Variants in ALKAL1 observed in about 807,000 individuals in gnomAD.
ALKAL1 encodes the protein ALK and LTK ligand 1, also known as AUG-beta.
A neutral mutation model predicts 13.5 loss-of-function variants in ALKAL1; 23 were observed. That is an observed-to-expected ratio of 1.70 (90% CI 1.23 to 2.41). ALKAL1 has a LOEUF of 2.41. Ranked by LOEUF, ALKAL1 falls within the 30% of genes most tolerant of loss-of-function variation. The pLI, the probability that ALKAL1 is intolerant of heterozygous loss-of-function variation, is 0.00. For synonymous variants in ALKAL1, 85 were observed against 77.7 expected, an observed-to-expected ratio of 1.09 and a Z score of -0.49; for missense variants, 181 against 178.4, an observed-to-expected ratio of 1.01 and a Z score of -0.08.
chr8:52,540,915 G>A (rs947152676), intron 2 of ALKAL1, among the ~76,000 whole-genome samples: 3 of 152,064 alleles, frequency 2.0e-5, no homozygotes, highest in Admixed American at 6.6e-5. Flanking sequence ...CATCCTTTCC[G>A]TTAATAAACA....
At chr8:52,535,969 C>T (rs1590863785) in intron 4 of ALKAL1, among the ~76,000 whole-genome samples, 1 of 151,842 alleles carries the variant, frequency 6.6e-6, no homozygotes, top group Non-Finnish European at 1.5e-5. Context: ...GACGGAGTCT[C>T]GCTCTGTTGC....
intron 1 of ALKAL1, among the ~76,000 whole-genome samples, chr8:52,554,737 C>A (rs1847463501): frequency 6.6e-6 from 1 of 152,028 alleles, no homozygotes; most frequent in South Asian, 2.1e-4. Flanking sequence ...CACTTAAAGG[C>A]TGAAGAAGAG....
chr8:52,552,855 T>A (rs1847442882), intron 1 of ALKAL1, among the ~76,000 whole-genome samples: 1 of 152,240 alleles, frequency 6.6e-6, no homozygotes, highest in South Asian at 2.1e-4. Context: ...TAGGGATTTC[T>A]CCAATCAACC....
chr8:52,546,365 T>C (rs1007490320), intron 1 of ALKAL1, among the ~76,000 whole-genome samples: 3 of 152,226 alleles, frequency 2.0e-5, no homozygotes, highest in African/African-American at 7.2e-5. Context: ...TGGCTCACTG[T>C]AGAAAGCAGA....
intron 1 of ALKAL1, among the ~76,000 whole-genome samples, chr8:52,551,329 C>T (rs999614637): frequency 6.6e-6 from 1 of 152,100 alleles, no homozygotes; most frequent in Non-Finnish European, 1.5e-5. Flanking sequence ...GAGTCTTGCC[C>T]TGTCACCACA....
chr8:52,534,640 G>A, intron 4 of ALKAL1, 40 bp from the exon 5 acceptor site: 1 of 566,864 alleles, frequency 1.8e-6, no homozygotes, highest in Non-Finnish European at 3.1e-6. Flanking sequence ...TTATGACCTG[G>A]TTTTTAGAAT....
chr8:52,545,086 T>C (rs1361381234), intron 1 of ALKAL1, among the ~76,000 whole-genome samples: 1 of 152,056 alleles, frequency 6.6e-6, no homozygotes, highest in Non-Finnish European at 1.5e-5. Context: ...CAGCATAAAC[T>C]ATTTTTAATA....
chr8:52,552,621 T>G (rs930809870), intron 1 of ALKAL1, among the ~76,000 whole-genome samples: 1 of 152,270 alleles, frequency 6.6e-6, no homozygotes, highest in Non-Finnish European at 1.5e-5. Context: ...TTATATTTTG[T>G]GTTATAATCT....
intron 1 of ALKAL1, among the ~76,000 whole-genome samples, chr8:52,562,605 GA>G (rs1280017026): frequency 1.3e-5 from 2 of 152,126 alleles, no homozygotes; most frequent in African/African-American, 4.8e-5. Context: ...ACCTGGAAAT[GA>G]TCCCCCCACC....
chr8:52,537,259 T>C (rs1398737399), intron 4 of ALKAL1, among the ~76,000 whole-genome samples: 1 of 152,144 alleles, frequency 6.6e-6, no homozygotes, highest in Non-Finnish European at 1.5e-5. Context: ...ATGCAAATCA[T>C]AACCATGATG....
intron 1 of ALKAL1, among the ~76,000 whole-genome samples, chr8:52,542,808 C>T (rs565476845): frequency 6.6e-6 from 1 of 152,348 alleles, no homozygotes; most frequent in East Asian, 1.9e-4. Flanking sequence ...TTATGCTTGA[C>T]TTCCTTTTTC....
chr8:52,536,095 C>CCAA (rs1379835441), intron 4 of ALKAL1, among the ~76,000 whole-genome samples: 1 of 152,176 alleles, frequency 6.6e-6, no homozygotes, highest in Non-Finnish European at 1.5e-5. Flanking sequence ...CGCACCACCA[C>CCAA]ACCCAGCTAA....
At chr8:52,563,909 G>A (rs1847575188) in intron 1 of ALKAL1, among the ~76,000 whole-genome samples, 1 of 152,244 alleles carries the variant, frequency 6.6e-6, no homozygotes, top group South Asian at 2.1e-4. Context: ...GGAGAGTGCA[G>A]ACACTGCTGT....
intron 2 of ALKAL1, among the ~76,000 whole-genome samples, chr8:52,541,556 C>G (rs1847312201): frequency 6.6e-6 from 1 of 152,042 alleles, no homozygotes; most frequent in South Asian, 2.1e-4. Context: ...TCACTTAAGG[C>G]CAGGAGTTTG....
intron 1 of ALKAL1, 98 bp downstream of exon 1, chr8:52,564,969 C>A: frequency 9.9e-7 from 1 of 1,007,142 alleles, no homozygotes. Context: ...CTGTACTAAT[C>A]TCAGGCTTCC....
intron 2 of ALKAL1, among the ~76,000 whole-genome samples, chr8:52,540,255 C>T (rs190714376): frequency 1.3e-5 from 2 of 152,280 alleles, no homozygotes; most frequent in Non-Finnish European, 1.5e-5. Context: ...CAATAAGTAT[C>T]TTTGGTTTCT....
At position 52,541,579 on chromosome 8, in the gene ALKAL1, C is replaced by T. The variant is rs540954572; in HGVS notation, c.244+813G>A. Among the ~76,000 whole-genome samples, 297 of 152,122 alleles carry T rather than the reference C, an allele frequency of 2.0e-3. 1 individual carries two copies. Among genetic ancestry groups the T allele is most frequent in the Non-Finnish European group, 3.2e-3 (218 of 67,996 alleles). ...GGCCAGGAGTTTGAGACCAGCCTGG[C>T]GAATGTGGTGAAACCCCATCTCTAC... is the stretch of plus-strand genomic sequence containing the variant. On this transcript the variant is annotated intron_variant, in intron 2 of 4. Transcript: ENST00000358543.
At position 52,536,468 on chromosome 8, in the gene ALKAL1, C is replaced by A. The variant is rs779392743; in HGVS notation, c.*13-1868G>T. 2.6e-5 allele frequency among the ~76,000 whole-genome samples: 4 copies of A among 152,166 alleles called. 1 individual carries two copies. Among genetic ancestry groups the A allele is most frequent in the Non-Finnish European group, 5.9e-5 (4 of 68,034 alleles). On this transcript the variant is annotated intron_variant, in intron 4 of 4. Transcript: ENST00000358543. ...AATTTACATTCAATTTATTTAGGAT[C>A]GTACAAATACTCTATTGCCCAAGGG... is the stretch of plus-strand genomic sequence containing the variant.
chr8:52,556,570 C>A (rs562093073), intron 1 of ALKAL1, among the ~76,000 whole-genome samples: 2 of 144,960 alleles, frequency 1.4e-5, no homozygotes, highest in Non-Finnish European at 3.0e-5. Context: ...TGGCGTGAAC[C>A]CGGGAGGCGG....
Sources: allele counts gnomAD v4.1 joint callset (sites outside exome capture counted in the v4.1 genomes callset), GRCh38; gene constraint gnomAD v4.1.1; transcripts MANE v1.5; gene names NCBI Gene and HGNC (gene_info 2026-07-23, HGNC 2026-07-21).